Variants in RAPGEF4 observed in about 807,000 individuals in gnomAD.
The protein encoded by RAPGEF4 is RAP guanine-nucleotide-exchange factor (GEF) 4.
Under a neutral mutation model 147.9 loss-of-function variants are expected in RAPGEF4, and 66 were observed. The observed-to-expected ratio is 0.45, with a 90% CI of 0.37 to 0.55. RAPGEF4 has a LOEUF of 0.55. Among genes scored for constraint, RAPGEF4 ranks in the 20% least tolerant of loss-of-function variants. The pLI is 0.00. For synonymous variants in RAPGEF4, 419 were observed against 442.7 expected (o/e 0.95, Z 0.67); for missense variants, 1,071 against 1,257.3 (o/e 0.85, Z 2.24).
At chr2:172,899,410 A>T (rs141144540) in intron 4 of RAPGEF4, among the ~76,000 whole-genome samples, 31 of 152,334 alleles carry the variant, frequency 2.0e-4, no homozygotes, top group African/African-American at 6.0e-4. Flanking sequence ...TGTGTGATCA[A>T]AGATTAATCT....
chr2:173,025,537 G>T (rs1238106908), intron 23 of RAPGEF4, among the ~76,000 whole-genome samples: 1 of 152,172 alleles, frequency 6.6e-6, no homozygotes, highest in African/African-American at 2.4e-5. Context: ...CTGCCTCCTG[G>T]GTTTAAGCGA....
chr2:172,982,170 T>C (rs11890301), intron 10 of RAPGEF4, among the ~76,000 whole-genome samples: 11,114 of 152,260 alleles, frequency 0.073, 602 homozygotes, highest in South Asian at 0.16. Flanking sequence ...AGTACACCAA[T>C]ACTCCTCAAA....
At chr2:173,004,902 T>C (rs1254550793) in intron 17 of RAPGEF4, among the ~76,000 whole-genome samples, 1 of 152,098 alleles carries the variant, frequency 6.6e-6, no homozygotes, top group Non-Finnish European at 1.5e-5. Flanking sequence ...AATATATATA[T>C]AGATAAAACT....
At chr2:172,971,379 G>A (rs1690467043) in intron 10 of RAPGEF4, among the ~76,000 whole-genome samples, 1 of 152,162 alleles carries the variant, frequency 6.6e-6, no homozygotes, top group South Asian at 2.1e-4. Context: ...ATTTAGGTCT[G>A]CAGTTCTGAA....
In RAPGEF4 at chr2:173,042,429, C is replaced by A. The variant is rs1684879482; in HGVS notation, c.2853+5737C>A. Among the ~76,000 whole-genome samples, 1 of 151,982 alleles carries A rather than the reference C, an allele frequency of 6.6e-6. No homozygotes were observed. The highest frequency in any genetic ancestry group is 6.6e-5 in the Admixed American group (1 of 15,246). On this transcript the variant is annotated intron_variant, in intron 29 of 30. Coordinates refer to ENST00000397081, the MANE Select transcript of RAPGEF4 (RefSeq NM_007023.4). The surrounding 1 kb of genome is among the most constrained non-coding windows in gnomAD (Gnocchi z 4.2). Reference sequence around the variant, plus strand: ...CGGGTGGATCATGGGGTCAGGAGTTCAAGACCAGCCTGGTAAAACCCCATC... The same window carrying A: ...CGGGTGGATCATGGGGTCAGGAGTTAAAGACCAGCCTGGTAAAACCCCATC...
At chr2:172,816,913 CTCAA>C (rs763522803) in intron 4 of RAPGEF4, among the ~76,000 whole-genome samples, 30 of 152,292 alleles carry the variant, frequency 2.0e-4, no homozygotes, top group Admixed American at 7.8e-4. Context: ...GAATTAGATG[CTCAA>C]TCAATGTTTT....
At position 173,042,819 on chromosome 2, in the gene RAPGEF4, C is replaced by T. The variant is rs921220954; in HGVS notation, c.2854-5781C>T. Among the ~76,000 whole-genome samples the T allele has an allele frequency of 6.6e-6, 1 of 152,226 alleles. No individual in the cohort carries two copies. The highest frequency in any genetic ancestry group is 2.4e-5 in the African/African-American group (1 of 41,456). ...TACATAGAGGTATACATGCTCTACA[C>T]GTGCCTGGAAAGGCACCTGAACTGT... On this transcript the variant is annotated intron_variant, in intron 29 of 30. Transcript: ENST00000397081. This position sits in a 1 kb window ranked among gnomAD's most constrained non-coding sequence, Gnocchi z 4.2.
chr2:173,047,589 A>C (rs1685637688), intron 29 of RAPGEF4, among the ~76,000 whole-genome samples: 1 of 152,182 alleles, frequency 6.6e-6, no homozygotes, highest in African/African-American at 2.4e-5. Flanking sequence ...AGAAGGCTAT[A>C]TGCCGAAATA....
chr2:173,047,930 C>G (rs1440073316), intron 29 of RAPGEF4, among the ~76,000 whole-genome samples: 10 of 152,198 alleles, frequency 6.6e-5, no homozygotes, highest in Non-Finnish European at 1.2e-4. Flanking sequence ...CCCGCCTCGG[C>G]CTCCCAAAGT....
chr2:172,927,658 CA>C (rs1256679848), intron 6 of RAPGEF4, among the ~76,000 whole-genome samples: 3 of 151,822 alleles, frequency 2.0e-5, no homozygotes, highest in Non-Finnish European at 4.4e-5. Context: ...AAAAAACCAA[CA>C]ATCAGAGATA....
At chr2:172,735,716 C>T (rs1693679831), upstream of RAPGEF4, 1 of 162,496 alleles carries the variant, frequency 6.2e-6, no homozygotes, top group Non-Finnish European at 1.3e-5. Flanking sequence ...GGGCGGAATC[C>T]CCACCCACGG....
At chr2:172,911,552 G>A (rs145476514) in intron 4 of RAPGEF4, among the ~76,000 whole-genome samples, 138 of 151,890 alleles carry the variant, frequency 9.1e-4, no homozygotes, top group African/African-American at 2.9e-3. Context: ...TCCACCTCCC[G>A]GGTTCAAGGG....
At chr2:172,887,706 T>A (rs1196869531) in intron 4 of RAPGEF4, among the ~76,000 whole-genome samples, 1 of 152,152 alleles carries the variant, frequency 6.6e-6, no homozygotes, top group Non-Finnish European at 1.5e-5. Context: ...AAGCCTTCTG[T>A]ATCTGGCCAC....
intron 9 of RAPGEF4, among the ~76,000 whole-genome samples, chr2:172,966,513 T>C (rs1006301460): frequency 6.6e-6 from 1 of 152,184 alleles, no homozygotes. Flanking sequence ...CAGCAAGGGA[T>C]CTACTGCTTG....
At position 172,957,727 on chromosome 2, in the gene RAPGEF4, G is replaced by A. The variant is rs528558931; in HGVS notation, c.538-3033G>A. Among the ~76,000 whole-genome samples, 19 of 152,258 alleles carry A rather than the reference G, an allele frequency of 1.2e-4. No homozygotes were observed. The East Asian group carries it at 2.1e-3, about 17-fold the overall frequency. On this transcript the variant is annotated intron_variant, in intron 6 of 30. Transcript: ENST00000397081. ...CCCCTAAACCTAAAATCTTTGAGCCGGAGAAGGATCTGAGGATTCTGCCTT... is the reference window on the plus strand; with the variant it reads ...CCCCTAAACCTAAAATCTTTGAGCCAGAGAAGGATCTGAGGATTCTGCCTT...
chr2:172,835,167 C>A (rs983225561), intron 4 of RAPGEF4, among the ~76,000 whole-genome samples: 1 of 152,008 alleles, frequency 6.6e-6, no homozygotes, highest in African/African-American at 2.4e-5. Context: ...GTAAATAGAC[C>A]GTGAAGAAGT....
Position 172,961,190 on chromosome 2 carries a change from C to A in RAPGEF4, c.660C>A (p.His220Gln). The A allele has an allele frequency of 6.2e-7, 1 of 1,612,356 alleles. No homozygotes were observed. Among genetic ancestry groups the A allele is most frequent in the Non-Finnish European group, 8.5e-7 (1 of 1,178,376 alleles). ...ATGCCATTCTCTCTCGAGCACCTCA[C>A]ATGATAAGAGATAGAAAATACCACC... The part of the protein sequence containing the change: ...LRNAILSRAP[H>Q]MIRDRKYHLK... The change falls in exon 8 of 31, where the codon CAC (histidine) becomes CAA (glutamine). Residue 220 changes from histidine (H) to glutamine (Q), a missense_variant. By Grantham distance (24) the His-to-Gln change is conservative. Coordinates refer to ENST00000397081, the MANE Select transcript of RAPGEF4 (RefSeq NM_007023.4).
At chr2:172,912,255 A>C (rs1293403046) in intron 4 of RAPGEF4, among the ~76,000 whole-genome samples, 1 of 152,188 alleles carries the variant, frequency 6.6e-6, no homozygotes, top group East Asian at 1.9e-4. Flanking sequence ...ATTTGTTGAA[A>C]ATCTTAATAG....
intron 5 of RAPGEF4, among the ~76,000 whole-genome samples, chr2:172,918,371 C>CCACACACA (rs377074360): frequency 0.061 from 8,359 of 137,610 alleles, 460 homozygotes; most frequent in African/African-American, 0.13. Context: ...GATGCTCTTA[C>CCACACACA]CACACACACA....
Sources: gnomAD v4.1 joint callset for allele counts (sites outside exome capture counted in the v4.1 genomes callset) on GRCh38, gnomAD v4.1.1 for gene constraint, Gnocchi (gnomAD v3.1) non-coding constraint, MANE v1.5 for transcripts, NCBI Gene and HGNC (gene_info 2026-07-23, HGNC 2026-07-21) for gene names.